RIT2: variants seen among roughly 807,000 people sequenced by gnomAD.
RIT2 encodes Ras like without CAAX 2, also known as GTP-binding protein Rit2.
A neutral mutation model predicts 23.7 loss-of-function variants in RIT2; 24 were observed. The observed-to-expected ratio is 1.01, with a 90% CI of 0.73 to 1.43. The LOEUF (loss-of-function observed/expected upper bound fraction) is 1.43. RIT2 is among the 40% of genes most tolerant of loss of function. The probability of loss-of-function intolerance (pLI) is 0.00; values close to 1 mark genes in which losing one functional copy is unlikely to be tolerated. For missense variants in RIT2, 236 were observed against 266.9 expected, an observed-to-expected ratio of 0.88 and a Z score of 0.81; for synonymous variants, 107 against 91.1, an observed-to-expected ratio of 1.17 and a Z score of -0.99.
At chr18:42,748,160 G>A (rs1305163535) in intron 4 of RIT2, among the ~76,000 whole-genome samples, 1 of 151,790 alleles carries the variant, frequency 6.6e-6, no homozygotes, top group African/African-American at 2.4e-5. Context: ...AACCCGCAAA[G>A]TGGAAGAAAA....
At chr18:42,936,627 A>G (rs1909465671) in intron 3 of RIT2, among the ~76,000 whole-genome samples, 1 of 152,138 alleles carries the variant, frequency 6.6e-6, no homozygotes, top group Non-Finnish European at 1.5e-5. Flanking sequence ...CATACTTAGA[A>G]CACCAATTTA....
At chr18:43,103,270 C>G (rs1913731344) in intron 1 of RIT2, among the ~76,000 whole-genome samples, 1 of 152,026 alleles carries the variant, frequency 6.6e-6, no homozygotes, top group African/African-American at 2.4e-5. Context: ...GTCTTACTTT[C>G]TGAATTTCCT....
At chr18:42,895,760 A>T (rs1908311831) in intron 4 of RIT2, among the ~76,000 whole-genome samples, 1 of 152,214 alleles carries the variant, frequency 6.6e-6, no homozygotes, top group Non-Finnish European at 1.5e-5. Flanking sequence ...AAAATCTGAC[A>T]TCTCTATTAA....
intron 4 of RIT2, among the ~76,000 whole-genome samples, chr18:42,810,009 G>A (rs1010767109): frequency 1.5e-4 from 21 of 142,906 alleles, no homozygotes; most frequent in African/African-American, 4.9e-4. Context: ...ATATGTATAA[G>A]TTATATATGT....
rs767551861 is a variant in RIT2, at chr18:42,743,505, TTCTC to T, written c.638_641del (p.Arg213LysfsTer3). The T allele has an allele frequency of 1.6e-5, 26 of 1,611,194 alleles. No individual in the cohort carries two copies. Among genetic ancestry groups the T allele is most frequent in the Non-Finnish European group, 2.0e-5 (24 of 1,177,802 alleles). ...AAAAGCAAAGATATCATGTCATATT[TTCTC>T]TCTTCTTCTTCAAAGAACCTTTGAG... On this transcript the variant is annotated frameshift_variant, in exon 5 of 5. Coordinates refer to ENST00000326695, the MANE Select transcript of RIT2 (RefSeq NM_002930.4). LOFTEE classifies it high-confidence loss of function.
At chr18:43,098,975 T>C (rs906451637) in intron 1 of RIT2, among the ~76,000 whole-genome samples, 2 of 152,052 alleles carry the variant, frequency 1.3e-5, no homozygotes, top group Admixed American at 1.3e-4. Context: ...CCTATGCTCC[T>C]AAGAAAACCT....
At chr18:43,047,148 T>C (rs1912268055) in intron 1 of RIT2, among the ~76,000 whole-genome samples, 3 of 152,130 alleles carry the variant, frequency 2.0e-5, no homozygotes, top group African/African-American at 4.8e-5. Flanking sequence ...TTTTCTCATT[T>C]CCTTTTATTT....
chr18:42,883,096 TAAAG>T (rs901351242), intron 4 of RIT2, among the ~76,000 whole-genome samples: 13 of 152,062 alleles, frequency 8.5e-5, no homozygotes, highest in African/African-American at 2.7e-4. Context: ...GAATTGCAAA[TAAAG>T]AAATAAATGG....
intron 4 of RIT2, among the ~76,000 whole-genome samples, chr18:42,899,560 G>T (rs1908421068): frequency 6.6e-6 from 1 of 151,824 alleles, no homozygotes. Context: ...GTTCATGTTG[G>T]TTCTTCTCAT....
intron 1 of RIT2, among the ~76,000 whole-genome samples, chr18:43,048,932 T>A (rs1161615996): frequency 2.6e-5 from 4 of 152,208 alleles, no homozygotes; most frequent in Non-Finnish European, 5.9e-5. Flanking sequence ...GAAGAGAATA[T>A]AACCAACAAT....
intron 4 of RIT2, among the ~76,000 whole-genome samples, chr18:42,792,124 G>A (rs569510269): frequency 1.2e-3 from 190 of 152,248 alleles, no homozygotes; most frequent in African/African-American, 4.5e-3. Context: ...AATAAATCTC[G>A]TTGATATATA....
At chr18:43,061,701 T>C (rs1422683558) in intron 1 of RIT2, among the ~76,000 whole-genome samples, 1 of 152,014 alleles carries the variant, frequency 6.6e-6, no homozygotes, top group Non-Finnish European at 1.5e-5. Flanking sequence ...AGTCCCCCAT[T>C]CTAAGCTCAT....
chr18:42,777,455 C>T (rs1390909938), intron 4 of RIT2, among the ~76,000 whole-genome samples: 7 of 152,010 alleles, frequency 4.6e-5, no homozygotes, highest in African/African-American at 1.7e-4. Flanking sequence ...ACAAAGAAGA[C>T]TTAGAAGCAG....
chr18:42,828,003 C>CAAA (rs200737336), intron 4 of RIT2, among the ~76,000 whole-genome samples: 34 of 51,696 alleles, frequency 6.6e-4, no homozygotes, highest in Admixed American at 1.1e-3. Flanking sequence ...GACTCCGTCT[C>CAAA]AAAAAAAAAA....
intron 2 of RIT2, among the ~76,000 whole-genome samples, chr18:43,013,540 C>T (rs1021282772): frequency 6.6e-6 from 1 of 151,694 alleles, no homozygotes; most frequent in Admixed American, 6.6e-5. Flanking sequence ...AACAGAAAAA[C>T]ATGCCATCAT....
intron 4 of RIT2, among the ~76,000 whole-genome samples, chr18:42,744,029 T>G (rs1026190990): frequency 3.3e-5 from 5 of 152,216 alleles, no homozygotes; most frequent in African/African-American, 1.2e-4. Flanking sequence ...CCTTAAGTGA[T>G]GACATTACCC....
At chr18:42,760,065 C>T (rs902318548) in intron 4 of RIT2, among the ~76,000 whole-genome samples, 1 of 152,174 alleles carries the variant, frequency 6.6e-6, no homozygotes, top group Non-Finnish European at 1.5e-5. Flanking sequence ...GCATAAGCCA[C>T]CGCACCTGGC....
chr18:43,010,829 A>G (rs1911333475), intron 2 of RIT2, among the ~76,000 whole-genome samples: 1 of 151,818 alleles, frequency 6.6e-6, no homozygotes, highest in African/African-American at 2.4e-5. Flanking sequence ...TAATATTTGT[A>G]CGTGTTCAAC....
In RIT2 at chr18:42,802,271, T is replaced by C. The variant is rs143434645; in HGVS notation, c.427-58551A>G. ...AGATTTTTATCTGTAAACCAGTTTA[T>C]ACAAAATGAGAAAGCAGTTCATTAG... On this transcript the variant is annotated intron_variant, in intron 4 of 4. Transcript: ENST00000326695. Among the ~76,000 whole-genome samples the C allele has an allele frequency of 4.3e-4, 66 of 152,276 alleles. 2 individuals carry two copies. In the East Asian group the frequency reaches 0.012, roughly 27 times the overall value.
Sources: gnomAD v4.1 joint callset for allele counts (sites outside exome capture counted in the v4.1 genomes callset) on GRCh38, gnomAD v4.1.1 for gene constraint, MANE v1.5 for transcripts, NCBI Gene and HGNC (gene_info 2026-07-23, HGNC 2026-07-21) for gene names.